WNT3A: variants seen among roughly 807,000 people sequenced by gnomAD.
WNT3A encodes protein Wnt-3a.
In WNT3A, 17 loss-of-function variants were observed where a neutral mutation model predicts 37.0. The observed-to-expected ratio is 0.46, with a 90% CI of 0.31 to 0.69. The LOEUF (loss-of-function observed/expected upper bound fraction) is 0.69, where lower values mean the gene tolerates loss of function less well. Among genes scored for constraint, WNT3A ranks in the 30% least tolerant of loss-of-function variants. The pLI is 0.05. For synonymous variants in WNT3A, 187 were observed against 211.0 expected, an observed-to-expected ratio of 0.89 and a Z score of 0.99; for missense variants, 411 against 510.2, an observed-to-expected ratio of 0.81 and a Z score of 1.87.
intron 2 of WNT3A, among the ~76,000 whole-genome samples, chr1:228,034,628 A>G (rs1245375550): frequency 6.6e-6 from 1 of 152,210 alleles, no homozygotes; most frequent in Non-Finnish European, 1.5e-5. Context: ...TCACATAAAT[A>G]AATAGATAAA....
chr1:228,040,417 T>C (rs1349862060), intron 2 of WNT3A, among the ~76,000 whole-genome samples: 2 of 152,182 alleles, frequency 1.3e-5, no homozygotes, highest in Non-Finnish European at 2.9e-5. Flanking sequence ...GAAATGCTTC[T>C]TGGGTCACCT....
chr1:228,044,933 C>A (rs567151879), intron 2 of WNT3A, among the ~76,000 whole-genome samples: 7 of 152,192 alleles, frequency 4.6e-5, no homozygotes, highest in Non-Finnish European at 8.8e-5. Flanking sequence ...TGTCTTCAGT[C>A]TTCACGAGTG....
chr1:228,022,760 C>G lies in WNT3A; in HGVS notation c.165C>G (p.Phe55Leu). ...IPGLVPKQLR[F>L]CRNYVEIMPS... The stretch of plus-strand genomic sequence containing the variant: ...GCCTGGTCCCCAAGCAGCTCCGCTT[C>G]TGCAGGAACTACGTGGAGATCATGC... The change falls in exon 2 of 4, where the codon TTC becomes TTG. Residue 55 changes from phenylalanine (F) to leucine (L), a missense_variant. By Grantham distance (22) the Phe-to-Leu change is conservative (BLOSUM62 0). Transcript: ENST00000284523. 4 of 1,614,190 alleles carry G rather than the reference C, an allele frequency of 2.5e-6. No individual in the cohort carries two copies. The highest frequency in any genetic ancestry group is 3.4e-6 in the Non-Finnish European group (4 of 1,180,040).
rs1571800799 is a variant in WNT3A, at chr1:228,028,522, C to T, written c.313+5614C>T. On this transcript the variant is annotated intron_variant, in intron 2 of 3. Transcript: ENST00000284523. ...TATTTTTAATAGAGACGGAGTTTTG[C>T]CATTTTAGTCAGGCTGGTCTCAAAC... 3.9e-5 allele frequency among the ~76,000 whole-genome samples: 6 copies of T among 152,086 alleles called. No individual in the cohort carries two copies. In the South Asian group the frequency reaches 1.2e-3, roughly 32 times the overall value.
intron 2 of WNT3A, among the ~76,000 whole-genome samples, chr1:228,045,391 G>A (rs144545360): frequency 6.6e-6 from 1 of 152,310 alleles, no homozygotes; most frequent in African/African-American, 2.4e-5. Flanking sequence ...AGGAGGGCAG[G>A]TGGAGCTGTG....
chr1:228,014,306 A>G (rs6426490), intron 1 of WNT3A, among the ~76,000 whole-genome samples: 12,980 of 152,198 alleles, frequency 0.085, 1,274 homozygotes, highest in African/African-American at 0.23. Flanking sequence ...GAGCAAACAA[A>G]CAAGCGAGTA....
chr1:228,050,231 T>G lies in WNT3A; in HGVS notation c.314-425T>G, dbSNP rs1340473102. ...TTTTAGTTTTTGTAGAGATGGGGTC[T>G]TGCTATGTTGAAAAGGCTGTCCTGG... On this transcript the variant is annotated intron_variant, in intron 2 of 3. Transcript: ENST00000284523. This position sits in a 1 kb window ranked among gnomAD's most constrained non-coding sequence, Gnocchi z 5.0. Among the ~76,000 whole-genome samples the G allele has an allele frequency of 1.3e-5, 2 of 152,218 alleles. No homozygotes were observed. The highest frequency in any genetic ancestry group is 2.9e-5 in the Non-Finnish European group (2 of 68,024).
rs2031211520 is a variant in WNT3A, at chr1:228,039,023, C to G, written c.314-11633C>G. Among the ~76,000 whole-genome samples, 1 of 152,120 alleles carries G rather than the reference C, an allele frequency of 6.6e-6. No individual in the cohort carries two copies. The highest frequency in any genetic ancestry group is 1.9e-4 in the East Asian group (1 of 5,192). On this transcript the variant is annotated intron_variant, in intron 2 of 3. Coordinates refer to ENST00000284523, the MANE Select transcript of WNT3A (RefSeq NM_033131.4). This position sits in a 1 kb window ranked among gnomAD's most constrained non-coding sequence, Gnocchi z 4.1. ...GTGGGCAATGTTGGGAGTCTGGGCC[C>G]CCAGCACCCGGCTGGACTGGCCACC... is the stretch of plus-strand genomic sequence containing the variant.
rs1419748170 is a variant in WNT3A, at chr1:228,031,722, G to A, written c.313+8814G>A. ...GTGCATGTGGCTGTGGCATGCATGT[G>A]CATGCCTATGTGTGCATGTGATGCA... On this transcript the variant is annotated intron_variant, in intron 2 of 3. Transcript: ENST00000284523. This position sits in a 1 kb window ranked among gnomAD's most constrained non-coding sequence, Gnocchi z 4.8. Among the ~76,000 whole-genome samples, 1 of 152,166 alleles carries A rather than the reference G, an allele frequency of 6.6e-6. No individual in the cohort carries two copies. Among genetic ancestry groups the A allele is most frequent in the Non-Finnish European group, 1.5e-5 (1 of 68,036 alleles).
In WNT3A at chr1:228,031,288, C is replaced by T. The variant is rs1461942353; in HGVS notation, c.313+8380C>T. The stretch of plus-strand genomic sequence containing the variant: ...TTGGGGAGCTTGGATGGTGGCCTTC[C>T]TGTGATCTTGAGTGAGAGGCAGCTC... On this transcript the variant is annotated intron_variant, in intron 2 of 3. Transcript: ENST00000284523. This position sits in a 1 kb window ranked among gnomAD's most constrained non-coding sequence, Gnocchi z 4.8. Among the ~76,000 whole-genome samples the T allele has an allele frequency of 6.6e-6, 1 of 152,202 alleles. No individual in the cohort carries two copies. The highest frequency in any genetic ancestry group is 1.5e-5 in the Non-Finnish European group (1 of 68,036).
Position 228,050,934 on chromosome 1 carries a change from C to A in WNT3A, c.579+13C>A. On this transcript the variant is annotated intron_variant, in intron 3 of 3. Transcript: ENST00000284523. The surrounding 1 kb of genome is among the most constrained non-coding windows in gnomAD (Gnocchi z 5.0). ...GGCTGGGCGCCAGGTAGGTTCGCCG[C>A]CCGCAAGGGTGCTTGGGAAAAAGGA... 1 of 1,520,696 alleles carries A rather than the reference C, an allele frequency of 6.6e-7. No individual in the cohort carries two copies. 94.2% of individuals were successfully genotyped at this position (1,520,696 alleles called of 1,614,324 possible). A position where few individuals can be genotyped will look rare whatever the true frequency, so the allele number is the denominator to read the frequency against.
rs552856195 is a variant in WNT3A, at chr1:228,050,333, C to T, written c.314-323C>T. ...GAGCCACTGTACTTAGCCAAAGTTGCTTGTTAAAAAGAGCCTGGTACCAAC... is the reference window on the plus strand; with the variant it reads ...GAGCCACTGTACTTAGCCAAAGTTGTTTGTTAAAAAGAGCCTGGTACCAAC... On this transcript the variant is annotated intron_variant, in intron 2 of 3. Transcript: ENST00000284523. This position sits in a 1 kb window ranked among gnomAD's most constrained non-coding sequence, Gnocchi z 5.0. Among the ~76,000 whole-genome samples the T allele has an allele frequency of 9.8e-5, 15 of 152,310 alleles. No individual in the cohort carries two copies. Among genetic ancestry groups the T allele is most frequent in the African/African-American group, 3.6e-4 (15 of 41,570 alleles).
chr1:228,057,385 C>T (rs74143633), intron 3 of WNT3A, among the ~76,000 whole-genome samples: 2,857 of 152,220 alleles, frequency 0.019, 67 homozygotes, highest in African/African-American at 0.05. Flanking sequence ...AGTGTGTTAA[C>T]AGAGTTGTAG....
chr1:228,012,860 G>A (rs2030414878), intron 1 of WNT3A, among the ~76,000 whole-genome samples: 1 of 152,080 alleles, frequency 6.6e-6, no homozygotes, highest in African/African-American at 2.4e-5. Flanking sequence ...CCGAAGAAAA[G>A]GAATGTCATT....
At chr1:228,045,921 A>G (rs573539957) in intron 2 of WNT3A, among the ~76,000 whole-genome samples, 1 of 152,286 alleles carries the variant, frequency 6.6e-6, no homozygotes, top group Admixed American at 6.5e-5. Flanking sequence ...TCCAGATTGC[A>G]AATAAAAGGT....
chr1:228,046,621 G>A (rs1212503232), intron 2 of WNT3A, among the ~76,000 whole-genome samples: 7 of 151,480 alleles, frequency 4.6e-5, no homozygotes, highest in Non-Finnish European at 8.8e-5. Context: ...GTGTGCATGT[G>A]TATGGTATGT....
At chr1:228,040,834 C>G (rs1217189798) in intron 2 of WNT3A, among the ~76,000 whole-genome samples, 2 of 149,356 alleles carry the variant, frequency 1.3e-5, no homozygotes, top group South Asian at 4.2e-4. Flanking sequence ...TGCAGTGAGC[C>G]GAGATCGCGC....
chr1:228,054,426 C>A (rs1558295708), intron 3 of WNT3A, among the ~76,000 whole-genome samples: 1 of 151,244 alleles, frequency 6.6e-6, no homozygotes, highest in Non-Finnish European at 1.5e-5. Context: ...AGATTGAAAC[C>A]ATCCTGGCTA....
In WNT3A at chr1:228,022,739, G is replaced by A; in HGVS notation, c.144G>A (p.Leu48=). ...QPILCASIPG[L]VPKQLRFCRN... ...TCCTGTGTGCCAGCATCCCGGGCCT[G>A]GTCCCCAAGCAGCTCCGCTTCTGCA... Residue 48 remains leucine, a synonymous_variant, in exon 2 of 4, where the codon CTG becomes CTA. Transcript: ENST00000284523. The A allele has an allele frequency of 6.2e-7, 1 of 1,614,146 alleles. No homozygotes were observed. Among genetic ancestry groups the A allele is most frequent in the Non-Finnish European group, 8.5e-7 (1 of 1,180,026 alleles).
Sources: gnomAD v4.1 joint callset for allele counts (sites outside exome capture counted in the v4.1 genomes callset) on GRCh38, gnomAD v4.1.1 for gene constraint, Gnocchi (gnomAD v3.1) non-coding constraint, MANE v1.5 for transcripts, NCBI Gene and HGNC (gene_info 2026-07-23, HGNC 2026-07-21) for gene names.